SCN1A: variants seen among roughly 807,000 people sequenced by gnomAD.
SCN1A encodes sodium voltage-gated channel alpha subunit 1.
In SCN1A, 13 loss-of-function variants were observed where a neutral mutation model predicts 193.7. The ratio of observed to expected loss-of-function variants is 0.07; its 90% CI spans 0.04 to 0.11. The LOEUF (loss-of-function observed/expected upper bound fraction) is 0.11. Among genes scored for constraint, SCN1A ranks in the 10% least tolerant of loss-of-function variants. SCN1A has a pLI of 1.00. For missense variants in SCN1A, 1,432 were observed against 2,451.1 expected (o/e 0.58, Z 8.78); for synonymous variants, 781 against 843.6 (o/e 0.93, Z 1.29).
chr2:166,023,207 A>G (rs1694296261), intron 19 of SCN1A, among the ~76,000 whole-genome samples: 1 of 152,266 alleles, frequency 6.6e-6, no homozygotes, highest in African/African-American at 2.4e-5. Context: ...TAAGTAGATG[A>G]TGTAAATTAC....
chr2:165,991,402 T>G lies in SCN1A; in HGVS notation c.5873A>C (p.Asp1958Ala), dbSNP rs1289159196. 6 of 1,613,820 alleles carry G rather than the reference T, an allele frequency of 3.7e-6. No homozygotes were observed. Among genetic ancestry groups the G allele is most frequent in the Non-Finnish European group, 5.1e-6 (6 of 1,179,850 alleles). ...TTCATTTATTCTGTCAATTATCATGTCTTCTTTTATAAGAAGATTAGCCCC... is the reference window on the plus strand; with the variant it reads ...TTCATTTATTCTGTCAATTATCATGGCTTCTTTTATAAGAAGATTAGCCCC... ...KGGANLLIKE[D>A]MIIDRINENS... The change falls in exon 29 of 29, where the codon GAC (aspartate) becomes GCC (alanine). Residue 1958 changes from aspartate to alanine, a missense_variant. Asp to Ala is a moderately radical substitution (Grantham distance 126, BLOSUM62 -2). This residue lies in a region of SCN1A where 148 missense variants were observed against 160.3 expected (regional missense o/e 0.92). Coordinates refer to ENST00000674923, the MANE Select transcript of SCN1A (RefSeq NM_001165963.4).
At chr2:166,051,217 A>G (rs1194463022) in intron 9 of SCN1A, among the ~76,000 whole-genome samples, 1 of 152,074 alleles carries the variant, frequency 6.6e-6, no homozygotes, top group African/African-American at 2.4e-5. Context: ...GTAGTTATGA[A>G]CAAAGTTGTT....
At chr2:165,999,237 TA>T (rs1690492799) in intron 25 of SCN1A, 1 of 154,012 alleles carries the variant, frequency 6.5e-6, no homozygotes, top group African/African-American at 2.4e-5. Flanking sequence ...AAAAATCATA[TA>T]AAAACATTCT....
chr2:166,044,986 C>T, intron 13 of SCN1A, 57 bp downstream of exon 13: 2 of 1,560,262 alleles, frequency 1.3e-6, no homozygotes, highest in Non-Finnish European at 1.8e-6. Context: ...TAATTCTCCC[C>T]CTCTCTCCCA....
chr2:166,047,574 G>GGTTTTCTT (rs1312172738), intron 11 of SCN1A, 53 bp downstream of exon 11: 225 of 1,586,284 alleles, frequency 1.4e-4, no homozygotes, highest in Admixed American at 6.9e-4. Context: ...TAACTCAATT[G>GGTTTTCTT]GTTTTCTTGT....
chr2:165,994,537 T>C, intron 27 of SCN1A, 121 bp from the exon 28 acceptor site: 1 of 836,506 alleles, frequency 1.2e-6, no homozygotes, highest in Non-Finnish European at 1.9e-6. Context: ...GCCCTGATTT[T>C]TGTAAGAATG....
rs145035963 is a variant in SCN1A at position 166,043,915 on chromosome 2, C to T, written c.1797G>A (p.Glu599=). Residue 599 remains glutamate (E), a synonymous_variant, in exon 14 of 29, where the codon GAG becomes GAA. Transcript: ENST00000674923. ...AGGAATCTCTACGGCTCTCGTTATC[C>T]TCAAAGGTGCTGTGCTCATCATCTG... The part of the protein sequence containing the change: ...DFADDEHSTF[E]DNESRRDSLF... 3.3e-5 allele frequency: 53 copies of T among 1,614,156 alleles called. No individual in the cohort carries two copies. The African/African-American group carries it at 6.5e-4, about 20-fold the overall frequency.
At chr2:166,136,736 C>G (rs973760674) in intron 1 of SCN1A, among the ~76,000 whole-genome samples, 1 of 152,182 alleles carries the variant, frequency 6.6e-6, no homozygotes, top group Non-Finnish European at 1.5e-5. Context: ...TGCCCAGGAA[C>G]TAGCAATAGA....
intron 17 of SCN1A, among the ~76,000 whole-genome samples, chr2:166,038,931 A>G (rs929394666): frequency 6.6e-6 from 1 of 152,154 alleles, no homozygotes; most frequent in African/African-American, 2.4e-5. Flanking sequence ...ACTTGTAAGG[A>G]TATATGTGTG....
chr2:166,121,289 C>T (rs1213911522), intron 2 of SCN1A, among the ~76,000 whole-genome samples: 1 of 152,072 alleles, frequency 6.6e-6, no homozygotes, highest in Non-Finnish European at 1.5e-5. Flanking sequence ...TGTAGCTATC[C>T]CTTAACTCTG....
intron 19 of SCN1A, among the ~76,000 whole-genome samples, chr2:166,027,660 C>T (rs926226258): frequency 1.5e-4 from 22 of 151,126 alleles, no homozygotes; most frequent in African/African-American, 5.1e-4. Flanking sequence ...GAATATTATC[C>T]AAAGTACTTA....
chr2:166,127,359 C>A (rs1691366579), intron 1 of SCN1A, among the ~76,000 whole-genome samples: 1 of 152,186 alleles, frequency 6.6e-6, no homozygotes, highest in African/African-American at 2.4e-5. Flanking sequence ...CTAATTTTTG[C>A]TCCGTCCTTA....
At chr2:166,039,828 T>C (rs1317132101) in intron 16 of SCN1A, among the ~76,000 whole-genome samples, 2 of 151,312 alleles carry the variant, frequency 1.3e-5, no homozygotes, top group Non-Finnish European at 3.0e-5. Flanking sequence ...ATAAGGAAAC[T>C]GAGGTCTTCA....
In SCN1A at chr2:166,043,681, A is replaced by T. The variant is rs767454697; in HGVS notation, c.2031T>A (p.Ala677=). 6.2e-7 allele frequency: 1 copy of T among 1,614,022 alleles called. No individual in the cohort carries two copies. The highest frequency in any genetic ancestry group is 8.5e-7 in the Non-Finnish European group (1 of 1,179,910). ...LLPEVIIDKP[A]TDDNGTTTET... is the part of the protein sequence containing the mutation. ...AAAACTTCCTTACATTGTCATCAGT[A>T]GCTGGCTTATCTATTATCACCTCTG... The change falls in exon 14 of 29, where the codon GCT becomes GCA. Residue 677 remains alanine (A), a synonymous_variant. Transcript: ENST00000674923.
chr2:166,014,000 G>A (rs1692916548), intron 20 of SCN1A, 102 bp from the exon 21 acceptor site: 8 of 1,361,216 alleles, frequency 5.9e-6, no homozygotes, highest in Non-Finnish European at 8.3e-6. Context: ...GCTCATCTCT[G>A]TCTTGCTAGC....
intron 23 of SCN1A, 162 bp downstream of exon 23, chr2:166,009,557 T>C (rs1420641792): frequency 1.9e-6 from 1 of 519,740 alleles, no homozygotes; most frequent in Admixed American, 3.3e-5. Flanking sequence ...CTATTTCTCT[T>C]GCATATCACC....
At chr2:166,080,734 G>A (rs1404659013) in intron 2 of SCN1A, among the ~76,000 whole-genome samples, 1 of 151,550 alleles carries the variant, frequency 6.6e-6, no homozygotes, top group Non-Finnish European at 1.5e-5. Flanking sequence ...GAAAGAAATA[G>A]TAAAGTAATA....
At chr2:166,069,969 A>G (rs1684247837) in intron 4 of SCN1A, among the ~76,000 whole-genome samples, 2 of 152,196 alleles carry the variant, frequency 1.3e-5, no homozygotes, top group Non-Finnish European at 2.9e-5. Flanking sequence ...AGCCAATCTC[A>G]GATAACCCAG....
chr2:166,118,714 C>T (rs925077567), intron 2 of SCN1A, among the ~76,000 whole-genome samples: 1 of 152,130 alleles, frequency 6.6e-6, no homozygotes, highest in Non-Finnish European at 1.5e-5. Flanking sequence ...CAAAGTAACT[C>T]TTTCCAGGAT....
Sources: gnomAD v4.1 joint callset for allele counts (sites outside exome capture counted in the v4.1 genomes callset) on GRCh38, gnomAD v4.1.1 for gene constraint, gnomAD v4.1.1 regional missense constraint, MANE v1.5 for transcripts, NCBI Gene and HGNC (gene_info 2026-07-23, HGNC 2026-07-21) for gene names.